Variants in PSG5 observed in about 807,000 individuals in gnomAD.
The protein encoded by PSG5 is pregnancy-specific beta-1-glycoprotein 5.
In PSG5, 53 loss-of-function variants were observed where a neutral mutation model predicts 37.7. The observed-to-expected ratio is 1.41, with a 90% CI of 1.13 to 1.77. The LOEUF (loss-of-function observed/expected upper bound fraction) is 1.77. Ranked by LOEUF, PSG5 falls within the 40% of genes most tolerant of loss-of-function variation. The pLI is 0.00. For missense variants in PSG5, 547 were observed against 405.2 expected (o/e 1.35, Z -3.00); for synonymous variants, 221 against 155.4 (o/e 1.42, Z -3.14).
chr19:43,175,678 G>A (rs553887759), intron 3 of PSG5, 192 bp downstream of exon 3: 31 of 1,389,096 alleles, frequency 2.2e-5, no homozygotes, highest in South Asian at 7.2e-5. Flanking sequence ...TGACAAGAGC[G>A]CCCCCTCCCC....
chr19:43,170,250 T>C (rs1473057144), intron 4 of PSG5, 112 bp from the exon 5 acceptor site: 3 of 1,014,566 alleles, frequency 3.0e-6, no homozygotes, highest in East Asian at 3.2e-5. Flanking sequence ...CTTCAAGTAC[T>C]ACATTATTCC....
chr19:43,178,772 G>T lies in PSG5; in HGVS notation c.431-2624C>A, dbSNP rs145534521. On this transcript the variant is annotated intron_variant, in intron 2 of 5. Coordinates refer to ENST00000342951, the MANE Select transcript of PSG5 (RefSeq NM_002781.4). The stretch of plus-strand genomic sequence containing the variant: ...AGTCATGGCCAGCTTTGATGTCCAG[G>T]GGTAAAGGTCTCTGTACTTGGACCT... The T allele has an allele frequency of 1.4e-4, 231 of 1,606,750 alleles. 3 individuals are homozygous for T. In the East Asian group the frequency reaches 4.2e-3, roughly 29 times the overall value.
chr19:43,174,000 G>A lies in PSG5; in HGVS notation c.964+1215C>T, dbSNP rs975995538. 6 of 151,724 alleles carry A rather than the reference G, an allele frequency of 4.0e-5. No homozygotes were observed. The East Asian group carries it at 5.8e-4, about 15-fold the overall frequency. The allele number at this position is 151,724 out of a possible 1,614,324, so 9.4% of individuals were successfully genotyped here. On this transcript the variant is annotated intron_variant, in intron 4 of 5. Transcript: ENST00000342951. Reference sequence around the variant, plus strand: ...GAAAGATAAGTGGGTAGGCAAATGAGGTGTATCTACAATTAAAATGTTATT... The same window carrying A: ...GAAAGATAAGTGGGTAGGCAAATGAAGTGTATCTACAATTAAAATGTTATT...
At chr19:43,181,223 C>T (rs914805518) in intron 2 of PSG5, among the ~76,000 whole-genome samples, 4 of 151,586 alleles carry the variant, frequency 2.6e-5, no homozygotes, top group African/African-American at 9.7e-5. Context: ...ATTCACATTA[C>T]GTGTATCTGA....
At chr19:43,184,028 G>A (rs1969189015) in intron 2 of PSG5, among the ~76,000 whole-genome samples, 1 of 151,752 alleles carries the variant, frequency 6.6e-6, no homozygotes, top group African/African-American at 2.4e-5. Context: ...CCATGAGAAA[G>A]CACCTTTACG....
chr19:43,185,446 C>A (rs1264233690), intron 1 of PSG5, among the ~76,000 whole-genome samples: 1 of 136,840 alleles, frequency 7.3e-6, no homozygotes, highest in Non-Finnish European at 1.6e-5. Flanking sequence ...CCCCCCCACA[C>A]TGCCCTCAGG....
In PSG5 at chr19:43,169,805, T is replaced by C. The variant is rs573403731; in HGVS notation, c.*40+250A>G. The stretch of plus-strand genomic sequence containing the variant: ...ATGAAGAGGGTTTCACCATGTGAAA[T>C]TGTGTTTCTCATTTGAATCTGAGAA... On this transcript the variant is annotated intron_variant, in intron 5 of 5. Coordinates refer to ENST00000342951, the MANE Select transcript of PSG5 (RefSeq NM_002781.4). Among the ~76,000 whole-genome samples the C allele has an allele frequency of 6.7e-4, 102 of 151,658 alleles. 2 individuals are homozygous for C. The highest frequency in any genetic ancestry group is 2.4e-3 in the African/African-American group (97 of 41,172).
rs142816288 is a variant in PSG5 at position 43,182,446 on chromosome 19, T to C, written c.430+2336A>G. 6.7e-3 allele frequency among the ~76,000 whole-genome samples: 1,017 copies of C among 151,654 alleles called. 28 individuals are homozygous for C. The highest frequency in any genetic ancestry group is 0.023 in the African/African-American group (966 of 41,234). On this transcript the variant is annotated intron_variant, in intron 2 of 5. Coordinates refer to ENST00000342951, the MANE Select transcript of PSG5 (RefSeq NM_002781.4). ...TGACCTCATTCATACCTATGACTAA[T>C]GGCTCAGCCAGTCATGTGGTCCCTA... is the stretch of plus-strand genomic sequence containing the variant.
Position 43,175,408 on chromosome 19 carries a change from G to A in PSG5, c.771C>T (p.Leu257=). 6.2e-7 allele frequency: 1 copy of A among 1,612,876 alleles called. No individual in the cohort carries two copies. Among genetic ancestry groups the A allele is most frequent in the Non-Finnish European group, 8.5e-7 (1 of 1,179,262 alleles). The change falls in exon 4 of 6, where the codon CTC becomes CTT. Residue 257 remains leucine (L), a synonymous_variant. Coordinates refer to ENST00000342951, the MANE Select transcript of PSG5 (RefSeq NM_002781.4). ...SFTYYRSGEN[L]YLSCFAESNP... is the part of the protein sequence containing the mutation. ...TAGATTCCGCGAAGCAGGACAAGTA[G>A]AGGTTTTCTCCTGAACGGTAATAGG...
In PSG5 at chr19:43,170,313, C is replaced by T. The variant is rs538762211; in HGVS notation, c.965-175G>A. 2.3e-5 allele frequency: 17 copies of T among 725,696 alleles called. 1 individual carries two copies. The highest frequency in any genetic ancestry group is 3.3e-5 in the Non-Finnish European group (16 of 491,698). 45.0% of individuals were successfully genotyped at this position (725,696 alleles called of 1,614,324 possible). A position where few individuals can be genotyped will look rare whatever the true frequency, so the allele number is the denominator to read the frequency against. ...TATTCTTGCAGTTTTTTTTTTCCCT[C>T]TCACCATGTTTCTAGGATGGTGATC... On this transcript the variant is annotated intron_variant, in intron 4 of 5. Coordinates refer to ENST00000342951, the MANE Select transcript of PSG5 (RefSeq NM_002781.4).
At chr19:43,175,705 G>A (rs1968993835) in intron 3 of PSG5, 165 bp downstream of exon 3, 7 of 1,440,800 alleles carry the variant, frequency 4.9e-6, no homozygotes, top group Non-Finnish European at 5.6e-6. Context: ...TCCTGGTTAA[G>A]GCTGTGCCTA....
chr19:43,183,174 T>C (rs553095233), intron 2 of PSG5: 4 of 263,082 alleles, frequency 1.5e-5, no homozygotes, highest in South Asian at 1.4e-4. Context: ...AGGGACCAGC[T>C]GCCCCCAGTT....
intron 2 of PSG5, chr19:43,178,773 G>T (rs536533879): frequency 6.2e-7 from 1 of 1,606,942 alleles, no homozygotes; most frequent in Non-Finnish European, 8.5e-7. Flanking sequence ...GATGTCCAGG[G>T]GTAAAGGTCT....
At chr19:43,177,484 G>A (rs1319502406) in intron 2 of PSG5, among the ~76,000 whole-genome samples, 14 of 150,972 alleles carry the variant, frequency 9.3e-5, no homozygotes, top group Non-Finnish European at 1.8e-4. Flanking sequence ...AGTGGGAGGT[G>A]ATAAGCCAAA....
At chr19:43,183,794 A>G (rs1259999381) in intron 2 of PSG5, among the ~76,000 whole-genome samples, 1 of 151,514 alleles carries the variant, frequency 6.6e-6, no homozygotes, top group Non-Finnish European at 1.5e-5. Context: ...GTGGCTGCAG[A>G]CAGACCTCAT....
intron 1 of PSG5, among the ~76,000 whole-genome samples, chr19:43,186,016 A>G (rs1966930868): frequency 1.3e-5 from 2 of 149,578 alleles, no homozygotes; most frequent in African/African-American, 5.0e-5. Context: ...TCGTACTGTC[A>G]CCCAGGCTGG....
intron 4 of PSG5, 71 bp downstream of exon 4, chr19:43,175,144 C>T (rs750480567): frequency 1.2e-6 from 2 of 1,610,444 alleles, no homozygotes; most frequent in East Asian, 4.5e-5. Context: ...AAATGTTTTC[C>T]TAACTCTTCT....
At chr19:43,179,092 T>C in intron 2 of PSG5, 1 of 1,611,080 alleles carries the variant, frequency 6.2e-7, no homozygotes, top group Non-Finnish European at 8.5e-7. Flanking sequence ...CAGGTTAAGA[T>C]CACAGCCTCC....
chr19:43,182,716 T>G, intron 2 of PSG5, among the ~76,000 whole-genome samples: 1 of 120,716 alleles, frequency 8.3e-6, no homozygotes, highest in South Asian at 2.9e-4. Flanking sequence ...TTTTTTTTTT[T>G]TTTTTTTGTG....
Sources: gnomAD v4.1 joint callset for allele counts (sites outside exome capture counted in the v4.1 genomes callset) on GRCh38, gnomAD v4.1.1 for gene constraint, MANE v1.5 for transcripts, NCBI Gene and HGNC (gene_info 2026-07-23, HGNC 2026-07-21) for gene names.